Variants in ZNF385D observed in about 807,000 individuals in gnomAD.
ZNF385D encodes zinc finger protein 659.
A neutral mutation model predicts 35.8 loss-of-function variants in ZNF385D; 15 were observed. The observed-to-expected ratio is 0.42, with a 90% CI of 0.28 to 0.64. The LOEUF is 0.64. Ranked by LOEUF, ZNF385D falls within the 30% of genes least tolerant of loss-of-function variation. The pLI is 0.23. For missense variants in ZNF385D, 474 were observed against 494.6 expected (o/e 0.96, Z 0.39); for synonymous variants, 212 against 186.8 (o/e 1.13, Z -1.10).
chr3:21,877,829 T>C (rs965733482), intron 3 of ZNF385D: 1 of 151,978 alleles, frequency 6.6e-6, no homozygotes, highest in African/African-American at 2.4e-5. Flanking sequence ...ATCAAAGTAA[T>C]CAGAATCTAT....
At chr3:22,356,781 T>C (rs1696171049) in intron 2 of ZNF385D, among the ~76,000 whole-genome samples, 1 of 150,560 alleles carries the variant, frequency 6.6e-6, no homozygotes, top group African/African-American at 2.5e-5. Context: ...AGACAGATGA[T>C]AGAGTGATAG....
chr3:21,679,683 A>G (rs1420357463), intron 1 of ZNF385D, among the ~76,000 whole-genome samples: 1 of 152,076 alleles, frequency 6.6e-6, no homozygotes, highest in African/African-American at 2.4e-5. Context: ...AGAGAGAAAG[A>G]ACAAAAAGGA....
rs955204240 is a variant in ZNF385D at position 22,080,691 on chromosome 3, A to C, written c.325+88126T>G. On this transcript the variant is annotated intron_variant, in intron 3 of 5. Transcript: ENST00000494108. ...TATTCTGAATGTTTTTTGTCCCCCT[A>C]AAATTCATATGTTGAGTTCCTAATC... Among the ~76,000 whole-genome samples, 14 of 152,236 alleles carry C rather than the reference A, an allele frequency of 9.2e-5. 1 individual carries two copies. The highest frequency in any genetic ancestry group is 5.9e-4 in the Admixed American group (9 of 15,276).
At chr3:21,852,029 TTCTTA>T (rs1199276582) in intron 3 of ZNF385D, among the ~76,000 whole-genome samples, 3 of 151,960 alleles carry the variant, frequency 2.0e-5, no homozygotes, top group Non-Finnish European at 2.9e-5. Flanking sequence ...AAATCAAAAC[TTCTTA>T]TCTTTTTTAT....
chr3:22,320,470 G>A (rs1044982886), intron 2 of ZNF385D, among the ~76,000 whole-genome samples: 3 of 151,268 alleles, frequency 2.0e-5, no homozygotes, highest in Non-Finnish European at 4.4e-5. Flanking sequence ...ATTAATGCCC[G>A]GATAGTTCTG....
intron 2 of ZNF385D, among the ~76,000 whole-genome samples, chr3:22,205,686 T>C (rs570328295): frequency 6.6e-6 from 1 of 152,148 alleles, no homozygotes; most frequent in Non-Finnish European, 1.5e-5. Context: ...TGTCATCAGA[T>C]TAAAATATGG....
In ZNF385D at chr3:21,454,927, C is replaced by A. The variant is rs562272671; in HGVS notation, c.440-17724G>T. On this transcript the variant is annotated intron_variant, in intron 4 of 7. Transcript: ENST00000281523. ...AAAATCAATGTGCAAAAATCACAAG[C>A]ATTTTTATACACCAGTAACAGACAA... 8.5e-5 allele frequency among the ~76,000 whole-genome samples: 13 copies of A among 152,262 alleles called. No individual in the cohort carries two copies. The East Asian group carries it at 1.2e-3, about 14-fold the overall frequency.
At chr3:21,513,104 A>C (rs1466056092) in intron 3 of ZNF385D, among the ~76,000 whole-genome samples, 2 of 152,174 alleles carry the variant, frequency 1.3e-5, no homozygotes, top group African/African-American at 4.8e-5. Context: ...TTTAAAATTA[A>C]ACAACACTTT....
chr3:22,193,381 G>C (rs150972460), intron 2 of ZNF385D, among the ~76,000 whole-genome samples: 2 of 149,366 alleles, frequency 1.3e-5, no homozygotes, highest in East Asian at 3.9e-4. Context: ...TTTTGAAATA[G>C]ATCAAAAAAA....
chr3:21,727,138 G>C (rs547020712), intron 1 of ZNF385D, among the ~76,000 whole-genome samples: 1 of 152,210 alleles, frequency 6.6e-6, no homozygotes, highest in South Asian at 2.1e-4. Context: ...ACTGAAACTG[G>C]ACCCCTTTCT....
intron 2 of ZNF385D, among the ~76,000 whole-genome samples, chr3:22,192,142 C>T (rs55879236): frequency 9.2e-5 from 14 of 152,256 alleles, no homozygotes; most frequent in South Asian, 4.1e-4. Flanking sequence ...CCAAGACTAA[C>T]AGATTGCAGT....
intron 3 of ZNF385D, among the ~76,000 whole-genome samples, chr3:22,094,326 CT>C (rs1701485731): frequency 1.8e-5 from 2 of 109,256 alleles, no homozygotes; most frequent in East Asian, 2.6e-4. Context: ...AAGTTGTACC[CT>C]TTTTTTTCTT....
chr3:21,825,560 A>C (rs1332562838), intron 3 of ZNF385D, among the ~76,000 whole-genome samples: 1 of 152,226 alleles, frequency 6.6e-6, no homozygotes, highest in Middle Eastern at 3.4e-3. Context: ...TAGGCCCTAA[A>C]TTTTCACTCT....
intron 3 of ZNF385D, among the ~76,000 whole-genome samples, chr3:21,829,985 C>T (rs1201539342): frequency 6.6e-6 from 1 of 151,758 alleles, no homozygotes; most frequent in Non-Finnish European, 1.5e-5. Context: ...TTAGCTGTGC[C>T]TGATGGCAGG....
chr3:21,916,969 T>C (rs778409309), intron 3 of ZNF385D, among the ~76,000 whole-genome samples: 1 of 152,202 alleles, frequency 6.6e-6, no homozygotes, highest in South Asian at 2.1e-4. Context: ...CTGCTGCTGG[T>C]TGTTATCATG....
intron 2 of ZNF385D, among the ~76,000 whole-genome samples, chr3:22,194,231 G>A (rs1370360295): frequency 6.6e-6 from 1 of 151,310 alleles, no homozygotes; most frequent in East Asian, 1.9e-4. Flanking sequence ...AGCCATTTTT[G>A]CCAAAATTAA....
At chr3:21,939,370 G>A (rs1349409272) in intron 3 of ZNF385D, among the ~76,000 whole-genome samples, 2 of 152,048 alleles carry the variant, frequency 1.3e-5, no homozygotes, top group East Asian at 3.9e-4. Context: ...CCATTCAGAA[G>A]GTAAGAGTGG....
At chr3:22,250,367 A>AT (rs34380728) in intron 2 of ZNF385D, among the ~76,000 whole-genome samples, 53,079 of 151,724 alleles carry the variant, frequency 0.35, 9,544 homozygotes, top group Admixed American at 0.41. Flanking sequence ...GAATGACATA[A>AT]TTTTTTAAAA....
At chr3:22,171,876 C>CAAAAAA (rs370469654) in intron 2 of ZNF385D, among the ~76,000 whole-genome samples, 12 of 100,774 alleles carry the variant, frequency 1.2e-4, no homozygotes, top group African/African-American at 4.2e-4. Flanking sequence ...GACTCGGTCT[C>CAAAAAA]AAAAAAAAAA....
Sources: allele counts gnomAD v4.1 joint callset (sites outside exome capture counted in the v4.1 genomes callset), GRCh38; gene constraint gnomAD v4.1.1; transcripts MANE v1.5; gene names NCBI Gene and HGNC (gene_info 2026-07-23, HGNC 2026-07-21).